RGS7: variants seen among roughly 807,000 people sequenced by gnomAD.
RGS7 encodes regulator of G-protein signaling 7.
A neutral mutation model predicts 81.1 loss-of-function variants in RGS7; 27 were observed. The observed-to-expected ratio is 0.33, with a 90% CI of 0.25 to 0.46. RGS7 has a LOEUF of 0.46. Among genes scored for constraint, RGS7 ranks in the 20% least tolerant of loss-of-function variants. The pLI is 1.00. For missense variants in RGS7, 396 were observed against 607.4 expected, an observed-to-expected ratio of 0.65 and a Z score of 3.66; for synonymous variants, 208 against 207.7, an observed-to-expected ratio of 1.00 and a Z score of -0.01.
chr1:241,315,162 T>C (rs1373991866), intron 2 of RGS7, among the ~76,000 whole-genome samples: 1 of 130,340 alleles, frequency 7.7e-6, no homozygotes, highest in Non-Finnish European at 1.6e-5. Flanking sequence ...AAGAACTGAC[T>C]TGGGGCTGAG....
rs528016294 is a variant in RGS7, at chr1:240,948,371, A to G, written c.227-11665T>C. ...GAAATGGATAAAAGGATCTTACATTAGTTCATAGCACAAATTCTTAGAAAT... is the reference window on the plus strand; with the variant it reads ...GAAATGGATAAAAGGATCTTACATTGGTTCATAGCACAAATTCTTAGAAAT... On this transcript the variant is annotated intron_variant, in intron 4 of 18. Transcript: ENST00000440928. Among the ~76,000 whole-genome samples the G allele has an allele frequency of 2.4e-4, 37 of 152,346 alleles. No homozygotes were observed. In the East Asian group the frequency reaches 7.1e-3, roughly 29 times the overall value.
intron 2 of RGS7, among the ~76,000 whole-genome samples, chr1:241,210,190 C>T (rs2074165794): frequency 6.6e-6 from 1 of 152,076 alleles, no homozygotes. Context: ...CGCCCTGTTG[C>T]CCAGGCTGGA....
intron 9 of RGS7, among the ~76,000 whole-genome samples, chr1:240,844,233 G>A (rs1658643637): frequency 6.6e-6 from 1 of 152,008 alleles, no homozygotes; most frequent in South Asian, 2.1e-4. Context: ...AGTAGGAATG[G>A]CCCAAGAGGC....
chr1:241,063,016 G>A (rs1215032177), intron 3 of RGS7, among the ~76,000 whole-genome samples: 3 of 152,088 alleles, frequency 2.0e-5, no homozygotes, highest in East Asian at 1.9e-4. Context: ...ACACACACAC[G>A]GATATAAGTC....
At chr1:240,830,516 C>A (rs1248633703) in intron 9 of RGS7, among the ~76,000 whole-genome samples, 6 of 152,156 alleles carry the variant, frequency 3.9e-5, no homozygotes, top group Admixed American at 3.9e-4. Flanking sequence ...CCAAACCAAT[C>A]CTGGATAGCA....
intron 2 of RGS7, among the ~76,000 whole-genome samples, chr1:241,153,199 C>T (rs1401165800): frequency 6.6e-6 from 1 of 152,152 alleles, no homozygotes; most frequent in East Asian, 1.9e-4. Flanking sequence ...ATGCATTTGT[C>T]AGGCTGATGA....
chr1:241,251,225 T>A lies in RGS7; in HGVS notation c.78+104474A>T, dbSNP rs2076811714. Among the ~76,000 whole-genome samples, 6 of 152,310 alleles carry A rather than the reference T, an allele frequency of 3.9e-5. No individual in the cohort carries two copies. The South Asian group carries it at 1.2e-3, about 32-fold the overall frequency. On this transcript the variant is annotated intron_variant, in intron 2 of 18. Coordinates refer to ENST00000440928, the MANE Select transcript of RGS7 (RefSeq NM_001364886.1). Reference sequence around the variant, plus strand: ...CTCCTGGATGCTTTTAACTAATTTTTGTGTTTGGTGCTAATGAAAAAGTAC... The same window carrying A: ...CTCCTGGATGCTTTTAACTAATTTTAGTGTTTGGTGCTAATGAAAAAGTAC...
intron 2 of RGS7, among the ~76,000 whole-genome samples, chr1:241,281,391 A>C (rs1217514146): frequency 6.6e-6 from 1 of 152,236 alleles, no homozygotes; most frequent in Non-Finnish European, 1.5e-5. Flanking sequence ...GTCCCCACAC[A>C]GCCAGTTCGT....
intron 2 of RGS7, 136 bp downstream of exon 2, chr1:241,355,563 G>A: frequency 1.3e-6 from 1 of 798,960 alleles, no homozygotes; most frequent in South Asian, 1.4e-5. Context: ...TCACTTTCAC[G>A]TATATAGTAC....
chr1:240,802,937 A>G lies in RGS7; in HGVS notation c.1326T>C (p.Ser442=), dbSNP rs114756376. 64 of 1,612,658 alleles carry G rather than the reference A, an allele frequency of 4.0e-5. No individual in the cohort carries two copies. In the East Asian group the frequency reaches 1.4e-3, roughly 35 times the overall value. The change falls in exon 16 of 19, where the codon AGT becomes AGC. Residue 442 remains serine, a synonymous_variant. Transcript: ENST00000440928. The part of the protein sequence containing the change: ...SDSYPRFIRS[S]AYQELLQAKK... The stretch of plus-strand genomic sequence containing the variant: ...TTGCCTGTAGAAGCTCCTGATAGGC[A>G]CTGGATCTTATAAAACGTGGGTATG...
intron 2 of RGS7, among the ~76,000 whole-genome samples, chr1:241,206,006 T>C (rs888236283): frequency 3.9e-5 from 6 of 151,988 alleles, no homozygotes; most frequent in Admixed American, 2.6e-4. Context: ...AGTGTTTTTT[T>C]TTTTTACATT....
At chr1:241,265,722 A>G (rs1449203447) in intron 2 of RGS7, among the ~76,000 whole-genome samples, 1 of 151,608 alleles carries the variant, frequency 6.6e-6, no homozygotes, top group East Asian at 1.9e-4. Context: ...CTCAGATTGA[A>G]TCATGGGATA....
At chr1:241,304,044 T>A (rs1422420075) in intron 2 of RGS7, among the ~76,000 whole-genome samples, 1 of 152,264 alleles carries the variant, frequency 6.6e-6, no homozygotes, top group African/African-American at 2.4e-5. Flanking sequence ...CTATTTTAAA[T>A]ACATCTATAA....
chr1:241,264,880 C>T (rs2077504379), intron 2 of RGS7, among the ~76,000 whole-genome samples: 1 of 152,166 alleles, frequency 6.6e-6, no homozygotes, highest in Non-Finnish European at 1.5e-5. Flanking sequence ...TGATATGTGC[C>T]TTGACATCTT....
intron 2 of RGS7, among the ~76,000 whole-genome samples, chr1:241,125,199 G>A (rs1016731448): frequency 7.2e-5 from 11 of 151,998 alleles, no homozygotes; most frequent in Admixed American, 2.0e-4. Context: ...CCACACAGGC[G>A]GTCATTTTCT....
At chr1:241,235,741 C>T (rs957080111) in intron 2 of RGS7, among the ~76,000 whole-genome samples, 3 of 118,236 alleles carry the variant, frequency 2.5e-5, no homozygotes, top group South Asian at 3.3e-4. Context: ...CCTTCTCTTT[C>T]TCTCTCTCTC....
chr1:240,887,374 C>T (rs1667543314), intron 6 of RGS7, among the ~76,000 whole-genome samples: 1 of 151,704 alleles, frequency 6.6e-6, no homozygotes, highest in South Asian at 2.1e-4. Context: ...GACTGCAGGC[C>T]CCTGCCACCA....
intron 9 of RGS7, among the ~76,000 whole-genome samples, chr1:240,853,677 G>A (rs546668694): frequency 1.8e-4 from 28 of 152,068 alleles, no homozygotes; most frequent in Non-Finnish European, 4.0e-4. Context: ...AGGCCGAGGC[G>A]GGCTGATCAC....
At chr1:241,166,340 G>A (rs971098574) in intron 2 of RGS7, among the ~76,000 whole-genome samples, 22 of 152,298 alleles carry the variant, frequency 1.4e-4, no homozygotes, top group African/African-American at 5.3e-4. Context: ...CCTCTGGCTG[G>A]AGCCCAGCAA....
Sources: gnomAD v4.1 joint callset for allele counts (sites outside exome capture counted in the v4.1 genomes callset) on GRCh38, gnomAD v4.1.1 for gene constraint, MANE v1.5 for transcripts, NCBI Gene and HGNC (gene_info 2026-07-23, HGNC 2026-07-21) for gene names.